MACIR: variants seen among roughly 807,000 people sequenced by gnomAD.
The protein encoded by MACIR is UNC119-binding protein C5orf30.
MACIR carries 4 observed loss-of-function variants against 14.3 expected under a neutral mutation model. The observed-to-expected ratio is 0.28, with a 90% confidence interval of 0.14 to 0.64. MACIR has a LOEUF of 0.64. Among genes scored for constraint, MACIR ranks in the 30% least tolerant of loss-of-function variants. MACIR has a pLI of 0.83. For synonymous variants in MACIR, 101 were observed against 102.4 expected (o/e 0.99, Z 0.08); for missense variants, 228 against 257.6 (o/e 0.89, Z 0.79).
chr5:103,276,604 C>A lies in MACIR; in HGVS notation c.*64C>A. On this transcript the variant is annotated 3_prime_UTR_variant, in exon 3 of 3. Coordinates refer to ENST00000319933, the MANE Select transcript of MACIR (RefSeq NM_033211.4). ...ACGCTTGGCTAGAAAAAACCCACTGCTGTACTCTGTACATGACTCTTCACA... is the reference window on the plus strand; with the variant it reads ...ACGCTTGGCTAGAAAAAACCCACTGATGTACTCTGTACATGACTCTTCACA... 7.1e-7 allele frequency: 1 copy of A among 1,403,076 alleles called. No individual in the cohort carries two copies. Among genetic ancestry groups the A allele is most frequent in the Non-Finnish European group, 9.7e-7 (1 of 1,026,580 alleles). 86.9% of individuals were successfully genotyped at this position (1,403,076 alleles called of 1,614,324 possible). A position where few individuals can be genotyped will look rare whatever the true frequency, so the allele number is the denominator to read the frequency against.
intron 1 of MACIR, among the ~76,000 whole-genome samples, chr5:103,261,578 T>C (rs782377873): frequency 1.1e-4 from 17 of 152,264 alleles, no homozygotes; most frequent in Middle Eastern, 6.8e-3. Context: ...TTTTTCCAAG[T>C]GCTTTTCCAT....
Position 103,276,419 on chromosome 5 carries a change from C to A in MACIR, c.500C>A (p.Ser167Tyr). Reference sequence around the variant, plus strand: ...AAAGGTAAGAGGGCTCACTCCAAATCTCTGGACTACCTCAATCTAGATAAA... The same window carrying A: ...AAAGGTAAGAGGGCTCACTCCAAATATCTGGACTACCTCAATCTAGATAAA... ...LLKGKRAHSK[S>Y]LDYLNLDKMI... The change falls in exon 3 of 3, where the codon TCT (serine) becomes TAT (tyrosine). Residue 167 changes from serine (S) to tyrosine (Y), a missense_variant. Transcript: ENST00000319933. 1 of 1,614,032 alleles carries A rather than the reference C, an allele frequency of 6.2e-7. No individual in the cohort carries two copies. The highest frequency in any genetic ancestry group is 8.5e-7 in the Non-Finnish European group (1 of 1,180,018).
At chr5:103,273,682 T>C (rs1235325673) in intron 2 of MACIR, among the ~76,000 whole-genome samples, 1 of 152,168 alleles carries the variant, frequency 6.6e-6, no homozygotes, top group Non-Finnish European at 1.5e-5. Context: ...CTCATTACTG[T>C]AACTTTGTGC....
Position 103,266,772 on chromosome 5 carries a change from C to T in MACIR, c.-24+775C>T, listed in dbSNP as rs118114190. Among the ~76,000 whole-genome samples, 1,424 of 152,058 alleles carry T rather than the reference C, an allele frequency of 9.4e-3. 41 individuals carry two copies. Among genetic ancestry groups the T allele is most frequent in the East Asian group, 0.088 (457 of 5,180 alleles). Reference sequence around the variant, plus strand: ...AAGAGATCATAATCCTTAGAGAAAGCGGAGTTTCATAATAAGTGATTTCTA... The same window carrying T: ...AAGAGATCATAATCCTTAGAGAAAGTGGAGTTTCATAATAAGTGATTTCTA... On this transcript the variant is annotated intron_variant, in intron 2 of 2. Coordinates refer to ENST00000319933, the MANE Select transcript of MACIR (RefSeq NM_033211.4).
intron 1 of MACIR, among the ~76,000 whole-genome samples, chr5:103,261,658 C>CTTTTCT (rs1331497894): frequency 9.6e-6 from 1 of 104,008 alleles, no homozygotes; most frequent in African/African-American, 4.2e-5. Context: ...TTCTTTCTTT[C>CTTTTCT]TTTCTTTCTT....
At chr5:103,261,705 C>CTTTCTTTCTTCCTTT in intron 1 of MACIR, among the ~76,000 whole-genome samples, 1 of 62,862 alleles carries the variant, frequency 1.6e-5, no homozygotes, top group East Asian at 4.7e-4. Context: ...TTTCTTTCTT[C>CTTTCTTTCTTCCTTT]CTTTCTTTCT....
At chr5:103,262,334 G>A (rs377510429) in intron 1 of MACIR, among the ~76,000 whole-genome samples, 20 of 152,104 alleles carry the variant, frequency 1.3e-4, no homozygotes, top group Admixed American at 1.2e-3. Flanking sequence ...GGAATTCACC[G>A]TTCAAGCAGA....
chr5:103,265,496 G>A (rs1223857288), intron 1 of MACIR, among the ~76,000 whole-genome samples: 1 of 152,144 alleles, frequency 6.6e-6, no homozygotes, highest in Non-Finnish European at 1.5e-5. Context: ...TCTTGGCAAG[G>A]CCAGAGCTAG....
At chr5:103,270,083 T>A (rs1417593058) in intron 2 of MACIR, among the ~76,000 whole-genome samples, 1 of 152,176 alleles carries the variant, frequency 6.6e-6, no homozygotes, top group Admixed American at 6.5e-5. Context: ...ATCATCTCCT[T>A]TCTTCTTTTG....
At chr5:103,269,231 A>AC (rs1554236935) in intron 2 of MACIR, among the ~76,000 whole-genome samples, 8 of 152,022 alleles carry the variant, frequency 5.3e-5, no homozygotes, top group South Asian at 2.1e-4. Context: ...AAACAAACAA[A>AC]AAACACAAAA....
chr5:103,276,763 A>T lies in MACIR; in HGVS notation c.*223A>T. 2.4e-6 allele frequency: 1 copy of T among 419,250 alleles called. No individual in the cohort carries two copies. The highest frequency in any genetic ancestry group is 4.0e-5 in the Admixed American group (1 of 24,870). 26.0% of individuals were successfully genotyped at this position (419,250 alleles called of 1,614,324 possible). A position where few individuals can be genotyped will look rare whatever the true frequency, so the allele number is the denominator to read the frequency against. On this transcript the variant is annotated 3_prime_UTR_variant, in exon 3 of 3. Coordinates refer to ENST00000319933, the MANE Select transcript of MACIR (RefSeq NM_033211.4). ...GAGCACGCAACTGCAAAGAAAACAG[A>T]ATGTTGACTGTTAGTTTGTATAGCT...
At chr5:103,275,090 G>A (rs987302703) in intron 2 of MACIR, among the ~76,000 whole-genome samples, 6 of 152,098 alleles carry the variant, frequency 3.9e-5, no homozygotes, top group South Asian at 2.1e-4. Context: ...AAAGTACAAC[G>A]TCTTGGGTAT....
intron 2 of MACIR, among the ~76,000 whole-genome samples, chr5:103,268,000 A>G (rs403214): frequency 0.28 from 42,568 of 152,058 alleles, 6,027 homozygotes; most frequent in Non-Finnish European, 0.32. Flanking sequence ...CTTTCACTTA[A>G]TGTTTCCCCA....
In MACIR at chr5:103,278,220, A is replaced by G. The variant is rs1288363679; in HGVS notation, c.*1680A>G. On this transcript the variant is annotated 3_prime_UTR_variant, in exon 3 of 3. Coordinates refer to ENST00000319933, the MANE Select transcript of MACIR (RefSeq NM_033211.4). The stretch of plus-strand genomic sequence containing the variant: ...ATGATCACTAAGATTAGCTATATCT[A>G]TACAGTCATTAGTTTGACAAGAAAT... 6.0e-6 allele frequency: 1 copy of G among 166,980 alleles called. No homozygotes were observed. The highest frequency in any genetic ancestry group is 2.4e-5 in the African/African-American group (1 of 41,470). The allele number at this position is 166,980 out of a possible 1,614,324, so 10.3% of individuals were successfully genotyped here.
At position 103,258,888 on chromosome 5, in the gene MACIR, G is replaced by A. The variant is rs1048886114; in HGVS notation, c.-122G>A. 6.6e-6 allele frequency: 1 copy of A among 152,392 alleles called. No homozygotes were observed. The highest frequency in any genetic ancestry group is 1.5e-5 in the Non-Finnish European group (1 of 68,218). 9.4% of individuals were successfully genotyped at this position (152,392 alleles called of 1,614,324 possible). On this transcript the variant is annotated 5_prime_UTR_variant, in exon 1 of 3. Coordinates refer to ENST00000319933, the MANE Select transcript of MACIR (RefSeq NM_033211.4). Reference sequence around the variant, plus strand: ...GGCACGGCGGAGGCAGCGGAGCCCTGGGCCATCGGTAGGTTGCACGGGGAC... The same window carrying A: ...GGCACGGCGGAGGCAGCGGAGCCCTAGGCCATCGGTAGGTTGCACGGGGAC...
chr5:103,266,876 C>G (rs1104235), intron 2 of MACIR, among the ~76,000 whole-genome samples: 1 of 152,016 alleles, frequency 6.6e-6, no homozygotes, highest in African/African-American at 2.4e-5. Flanking sequence ...GTAGATAAAA[C>G]CTATTACATT....
At chr5:103,266,393 A>T (rs1231130797) in intron 2 of MACIR, among the ~76,000 whole-genome samples, 1 of 152,160 alleles carries the variant, frequency 6.6e-6, no homozygotes, top group African/African-American at 2.4e-5. Context: ...CTGGTTATAT[A>T]TTATCATACA....
At chr5:103,260,603 A>G (rs1554236176) in intron 1 of MACIR, among the ~76,000 whole-genome samples, 1 of 152,202 alleles carries the variant, frequency 6.6e-6, no homozygotes. Context: ...TTGCAAATGA[A>G]AGTGTTAGTA....
At position 103,276,181 on chromosome 5, in the gene MACIR, A is replaced by T. The variant is rs140904641; in HGVS notation, c.262A>T (p.Met88Leu). ...AGGTGAAGAGAGCAAAGCAGAAGCCATGCCATCCTTACGCTCCAAACAGCT... is the reference window on the plus strand; with the variant it reads ...AGGTGAAGAGAGCAAAGCAGAAGCCTTGCCATCCTTACGCTCCAAACAGCT... ...TGGEESKAEAMPSLRSKQLDA... is the reference protein window; with the variant it reads ...TGGEESKAEALPSLRSKQLDA... The change falls in exon 3 of 3, where the codon ATG becomes TTG. Residue 88 changes from methionine (M) to leucine (L), a missense_variant. Coordinates refer to ENST00000319933, the MANE Select transcript of MACIR (RefSeq NM_033211.4). 1.9e-6 allele frequency: 3 copies of T among 1,613,866 alleles called. No individual in the cohort carries two copies. The highest frequency in any genetic ancestry group is 2.5e-6 in the Non-Finnish European group (3 of 1,179,974).
Sources: gnomAD v4.1 joint callset for allele counts (sites outside exome capture counted in the v4.1 genomes callset) on GRCh38, gnomAD v4.1.1 for gene constraint, MANE v1.5 for transcripts, NCBI Gene and HGNC (gene_info 2026-07-23, HGNC 2026-07-21) for gene names.